ABCC6: variants seen among roughly 807,000 people sequenced by gnomAD.
The protein encoded by ABCC6 is ATP binding cassette subfamily C member 6.
Under a neutral mutation model 169.5 loss-of-function variants are expected in ABCC6, and 126 were observed. The observed-to-expected ratio is 0.74, with a 90% CI of 0.64 to 0.86. The LOEUF is 0.86. ABCC6 is among the 40% of genes least tolerant of loss of function. ABCC6 has a pLI of 0.00. For synonymous variants in ABCC6, 752 were observed against 814.7 expected (o/e 0.92, Z 1.31); for missense variants, 1,733 against 1,927.2 (o/e 0.90, Z 1.89).
intron 1 of ABCC6, 52 bp from the exon 2 acceptor site, chr16:16,221,883 G>C (rs1373417623): frequency 5.0e-6 from 8 of 1,611,998 alleles, no homozygotes; most frequent in African/African-American, 1.3e-5. Context: ...GGGGTCCCCA[G>C]CTCACCTGCC....
In ABCC6 at chr16:16,188,933, C is replaced by T. The variant is rs1489736957; in HGVS notation, c.1677G>A (p.Glu559=). 1 of 1,614,010 alleles carries T rather than the reference C, an allele frequency of 6.2e-7. No homozygotes were observed. The highest frequency in any genetic ancestry group is 8.5e-7 in the Non-Finnish European group (1 of 1,180,042). The part of the protein sequence containing the change: ...VVFAVHTLVA[E]NAMNAEKAFV... ...AGGCTTTCTCTGCATTCATAGCATT[C>T]TCGGCCACCAGAGTGTGGACAGCAA... Residue 559 remains glutamate (E), a synonymous_variant, in exon 13 of 31, where the codon GAG becomes GAA. Coordinates refer to ENST00000205557, the MANE Select transcript of ABCC6 (RefSeq NM_001171.6).
At chr16:16,188,804 T>A in intron 13 of ABCC6, 27 bp downstream of exon 13, 4 of 1,608,152 alleles carry the variant, frequency 2.5e-6, no homozygotes, top group Non-Finnish European at 3.4e-6. Context: ...TCTCCCAGGA[T>A]GGCTCCAGCC....
At position 16,219,204 on chromosome 16, in the gene ABCC6, G is replaced by A. The variant is rs1436652694; in HGVS notation, c.474+350C>T. On this transcript the variant is annotated intron_variant, in intron 4 of 30. Transcript: ENST00000205557. Reference sequence around the variant, plus strand: ...CCATGACATGAGGGGAGGTGTGCACGGAGGGGTATGTGTGCACACAGGTGT... The same window carrying A: ...CCATGACATGAGGGGAGGTGTGCACAGAGGGGTATGTGTGCACACAGGTGT... 3.5e-5 allele frequency among the ~76,000 whole-genome samples: 5 copies of A among 144,756 alleles called. No homozygotes were observed. The South Asian group carries it at 6.7e-4, about 19-fold the overall frequency. 95.0% of individuals were successfully genotyped at this position (144,756 alleles called of 152,430 possible).
Position 16,163,068 on chromosome 16 carries a change from GC to G in ABCC6, c.3430del (p.Ala1144ProfsTer11). ...STVVRAFRTQ[A>X]PFVAQNNARV... ...AGCATTGTTCTGAGCCACAAAGGGG[GC>G]CTGGGTTCGGAATGCCCGGACCACT... On this transcript the variant is annotated frameshift_variant, in exon 24 of 31. Transcript: ENST00000205557. LOFTEE classifies it high-confidence loss of function. The G allele has an allele frequency of 9.3e-6, 15 of 1,613,984 alleles. No individual in the cohort carries two copies. The highest frequency in any genetic ancestry group is 1.3e-5 in the Non-Finnish European group (15 of 1,180,026).
chr16:16,162,988 C>T lies in ABCC6; in HGVS notation c.3506+5G>A. ...CAAGGTCTTCTCTGCCCTGGCTCTT[C>T]CTACCTGTCAGCCACCAGTCGCGGG... On this transcript the variant is annotated splice_donor_5th_base_variant and intron_variant, in intron 24 of 30. Transcript: ENST00000205557. 1 of 1,614,042 alleles carries T rather than the reference C, an allele frequency of 6.2e-7. No homozygotes were observed. Among genetic ancestry groups the T allele is most frequent in the Non-Finnish European group, 8.5e-7 (1 of 1,180,020 alleles).
In ABCC6 at chr16:16,195,303, ATTT is replaced by A. The variant is rs61393724; in HGVS notation, c.1339-2384_1339-2382del. On this transcript the variant is annotated intron_variant, in intron 10 of 30. Transcript: ENST00000205557. ...ATGGATATCTTGTTGGTCTCATCTA[ATTT>A]TTTTTTTTTTTTTTTTTTTTTTTTT... Among the ~76,000 whole-genome samples the A allele has an allele frequency of 2.8e-3, 272 of 96,590 alleles. 5 individuals are homozygous for A. Among genetic ancestry groups the A allele is most frequent in the African/African-American group, 0.01 (259 of 25,802 alleles). The allele number at this position is 96,590 out of a possible 152,430, so 63.4% of individuals were successfully genotyped here. A position where few individuals can be genotyped will look rare whatever the true frequency, so the allele number is the denominator to read the frequency against.
In ABCC6 at chr16:16,178,826, A is replaced by G. The variant is rs776463091; in HGVS notation, c.2387T>C (p.Ile796Thr). 10 of 1,613,878 alleles carry G rather than the reference A, an allele frequency of 6.2e-6. No homozygotes were observed. Among genetic ancestry groups the G allele is most frequent in the Admixed American group, 3.3e-5 (2 of 60,018 alleles). Reference protein sequence around the residue: ...HVGQHVFNQVIGPGGLLQGTT... With the variant: ...HVGQHVFNQVTGPGGLLQGTT... ...TCCCTGGAGTAGTCCACCAGGCCCA[A>G]TGACCTGGTTGAAGACATGCTGGCC... The change falls in exon 18 of 31, where the codon ATT becomes ACT. Residue 796 changes from isoleucine to threonine, a missense_variant. Around this residue, in one of 5 missense-constraint regions of ABCC6, gnomAD observed 1,601 missense variants for 1,635.5 expected, o/e 0.98. Transcript: ENST00000205557.
At chr16:16,176,083 C>T in intron 19 of ABCC6, 97 bp from the exon 20 acceptor site, 1 of 1,226,934 alleles carries the variant, frequency 8.2e-7, no homozygotes, top group Non-Finnish European at 1.2e-6. Context: ...CCATCCATTT[C>T]CCCTGATCTG....
intron 20 of ABCC6, among the ~76,000 whole-genome samples, chr16:16,174,997 A>G (rs2047231737): frequency 6.6e-6 from 1 of 150,798 alleles, no homozygotes; most frequent in Non-Finnish European, 1.5e-5. Flanking sequence ...CTGGTCTCGA[A>G]CTCCTGACCT....
chr16:16,155,501 C>T (rs966413176), intron 27 of ABCC6: 8 of 179,508 alleles, frequency 4.5e-5, no homozygotes, highest in African/African-American at 9.4e-5. Flanking sequence ...TCTGTCTATC[C>T]GTCTCTCGTT....
chr16:16,204,734 C>G (rs1043723984), intron 7 of ABCC6, among the ~76,000 whole-genome samples: 1 of 152,148 alleles, frequency 6.6e-6, no homozygotes, highest in Admixed American at 6.5e-5. Context: ...GGGGACACTG[C>G]TCCTCTCTCT....
At chr16:16,214,679 C>T (rs1366432786) in intron 4 of ABCC6, among the ~76,000 whole-genome samples, 1 of 152,094 alleles carries the variant, frequency 6.6e-6, no homozygotes, top group South Asian at 2.1e-4. Context: ...ATCTCGGCTC[C>T]CTGCAACCTC....
chr16:16,196,578 T>C (rs2152276539), intron 10 of ABCC6, among the ~76,000 whole-genome samples: 1 of 152,304 alleles, frequency 6.6e-6, no homozygotes, highest in African/African-American at 2.4e-5. Context: ...GATCCTCACG[T>C]TGGAGACAAG....
At chr16:16,176,909 T>G (rs1286528150) in intron 19 of ABCC6, among the ~76,000 whole-genome samples, 1 of 152,224 alleles carries the variant, frequency 6.6e-6, no homozygotes, top group East Asian at 1.9e-4. Context: ...GTGCTGTTAG[T>G]TGCTACTTTT....
Position 16,150,136 on chromosome 16 carries a change from G to A in ABCC6, c.4509C>T (p.Val1503=). 6.2e-7 allele frequency: 1 copy of A among 1,612,382 alleles called. No individual in the cohort carries two copies. Among genetic ancestry groups the A allele is most frequent in the East Asian group, 2.2e-5 (1 of 44,880 alleles). ...FYRLAQESGL[V] ...GGGTACGGTTGAGGGTCCTGGCTCA[G>A]ACCAGGCCTGACTCCTGGGCCAGTC... is the stretch of plus-strand genomic sequence containing the variant. The change falls in exon 31 of 31, where the codon GTC becomes GTT. Residue 1503 remains valine (V), a synonymous_variant. Coordinates refer to ENST00000205557, the MANE Select transcript of ABCC6 (RefSeq NM_001171.6).
At position 16,165,854 on chromosome 16, in the gene ABCC6, C is replaced by T. The variant is rs376087244; in HGVS notation, c.3075G>A (p.Leu1025=). The part of the protein sequence containing the change: ...RASRLLFQRL[L]WDVVRSPISF... ...TGATGGGAGATCGCACCACATCCCA[C>T]AGGAGCCTCTGGAAGAGCAACCTGG... The change falls in exon 23 of 31, where the codon CTG becomes CTA. Residue 1025 remains leucine, a synonymous_variant. Coordinates refer to ENST00000205557, the MANE Select transcript of ABCC6 (RefSeq NM_001171.6). 1.2e-5 allele frequency: 20 copies of T among 1,613,228 alleles called. No individual in the cohort carries two copies. The highest frequency in any genetic ancestry group is 2.7e-5 in the African/African-American group (2 of 74,948).
intron 13 of ABCC6, among the ~76,000 whole-genome samples, chr16:16,188,381 G>T (rs1049333101): frequency 2.6e-5 from 4 of 152,076 alleles, no homozygotes; most frequent in African/African-American, 9.7e-5. Context: ...GACAGAGTGA[G>T]ACTCCATCTC....
intron 7 of ABCC6, among the ~76,000 whole-genome samples, chr16:16,205,110 A>G (rs933519716): frequency 3.3e-5 from 5 of 152,152 alleles, no homozygotes; most frequent in African/African-American, 1.2e-4. Flanking sequence ...TGCTGGGATT[A>G]CAGGTGTGAG....
rs181794120 is a variant in ABCC6 at position 16,177,560 on chromosome 16, T to G, written c.2482A>C (p.Asn828His). Residue 828 changes from asparagine (N) to histidine (H), a missense_variant, in exon 19 of 31, where the codon AAT becomes CAT. Transcript: ENST00000205557. Reference protein sequence around the residue: ...PQADWIIVLANGAIAEMGSYQ... With the variant: ...PQADWIIVLAHGAIAEMGSYQ... ...GAACCCATCTCTGCGATGGCCCCAT[T>G]TGCCAGCACTATGATCCAATCAGCC... 2 of 1,614,198 alleles carry G rather than the reference T, an allele frequency of 1.2e-6. No homozygotes were observed. The highest frequency in any genetic ancestry group is 2.2e-5 in the South Asian group (2 of 91,082).
Sources: allele counts gnomAD v4.1 joint callset (sites outside exome capture counted in the v4.1 genomes callset), GRCh38; gene constraint gnomAD v4.1.1; regional missense constraint gnomAD v4.1.1; transcripts MANE v1.5; gene names NCBI Gene and HGNC (gene_info 2026-07-23, HGNC 2026-07-21).